Variants in NAV2 observed in about 807,000 individuals in gnomAD.
NAV2 encodes the protein neuron navigator 2.
In NAV2, 54 loss-of-function variants were observed where a neutral mutation model predicts 223.2. The ratio of observed to expected loss-of-function variants is 0.24; its 90% CI spans 0.19 to 0.30. The LOEUF (loss-of-function observed/expected upper bound fraction) is 0.30. Ranked by LOEUF, NAV2 falls within the 10% of genes least tolerant of loss-of-function variation. The pLI is 1.00. For synonymous variants in NAV2, 1,279 were observed against 1,239.3 expected (o/e 1.03, Z -0.67); for missense variants, 2,806 against 3,147.5 (o/e 0.89, Z 2.60).
At chr11:19,412,979 C>T (rs977166601) in intron 1 of NAV2, among the ~76,000 whole-genome samples, 1 of 152,184 alleles carries the variant, frequency 6.6e-6, no homozygotes, top group African/African-American at 2.4e-5. Flanking sequence ...AAAACCAGCA[C>T]AAAAAGGCTG....
chr11:19,533,180 G>C (rs1249896002), intron 1 of NAV2, among the ~76,000 whole-genome samples: 1 of 152,152 alleles, frequency 6.6e-6, no homozygotes, highest in East Asian at 1.9e-4. Flanking sequence ...ATTTCAACCA[G>C]GAATATAGTG....
rs1554924600 is a variant in NAV2 at position 20,046,596 on chromosome 11, T to TCACACACAGA, written c.3902+934_3902+935insGACACACACA. 1.1e-4 allele frequency among the ~76,000 whole-genome samples: 16 copies of TCACACACAGA among 145,976 alleles called. 2 individuals are homozygous for TCACACACAGA. The South Asian group carries it at 1.6e-3, about 14-fold the overall frequency. ...TGAAATTTTAACTTCCCCCTCCCCA[T>TCACACACAGA]CACACACACACACACACACACACAC... is the stretch of plus-strand genomic sequence containing the variant. On this transcript the variant is annotated intron_variant, in intron 14 of 37. Coordinates refer to ENST00000349880, the MANE Select transcript of NAV2 (RefSeq NM_145117.5).
At chr11:19,608,114 C>T (rs920469231) in intron 1 of NAV2, among the ~76,000 whole-genome samples, 1 of 152,196 alleles carries the variant, frequency 6.6e-6, no homozygotes, top group African/African-American at 2.4e-5. Context: ...CATCTCTGGC[C>T]TCAAAGACTT....
chr11:19,507,616 A>G (rs2043160983), intron 1 of NAV2, among the ~76,000 whole-genome samples: 1 of 152,234 alleles, frequency 6.6e-6, no homozygotes, highest in South Asian at 2.1e-4. Context: ...AGTTGGAGGA[A>G]CATTGAAAAT....
chr11:20,079,111 G>A (rs913234783), intron 24 of NAV2, among the ~76,000 whole-genome samples: 4 of 152,090 alleles, frequency 2.6e-5, no homozygotes, highest in Admixed American at 6.5e-5. Flanking sequence ...CATGATCTCC[G>A]CTCACTGTAA....
At chr11:19,932,236 C>CAAAAAA (rs398015484) in intron 6 of NAV2, among the ~76,000 whole-genome samples, 102 of 78,848 alleles carry the variant, frequency 1.3e-3, no homozygotes, top group Non-Finnish European at 1.6e-3. Context: ...CACTCTTAAG[C>CAAAAAA]AAAAAAAAAA....
intron 1 of NAV2, among the ~76,000 whole-genome samples, chr11:19,536,143 C>T (rs1292267146): frequency 6.6e-6 from 1 of 152,166 alleles, no homozygotes; most frequent in East Asian, 1.9e-4. Context: ...TACATGGTCC[C>T]TGTTAATCTT....
At chr11:19,452,154 A>G (rs964188285) in intron 1 of NAV2, among the ~76,000 whole-genome samples, 1 of 150,702 alleles carries the variant, frequency 6.6e-6, no homozygotes, top group African/African-American at 2.5e-5. Context: ...GTGTGTGTAA[A>G]GATTAATATT....
chr11:20,018,880 C>T (rs1369192588), intron 11 of NAV2, among the ~76,000 whole-genome samples: 4 of 152,052 alleles, frequency 2.6e-5, no homozygotes, highest in Admixed American at 6.6e-5. Context: ...AGAAGTGGGC[C>T]GCCAGTGGGA....
At chr11:19,615,571 A>G (rs2046767065) in intron 1 of NAV2, among the ~76,000 whole-genome samples, 1 of 152,172 alleles carries the variant, frequency 6.6e-6, no homozygotes, top group Admixed American at 6.5e-5. Flanking sequence ...AATGCAAAAC[A>G]GTGGCTAGGC....
chr11:19,864,960 C>G (rs1313163407), intron 3 of NAV2, among the ~76,000 whole-genome samples: 2 of 152,200 alleles, frequency 1.3e-5, no homozygotes, highest in Non-Finnish European at 2.9e-5. Flanking sequence ...AACTCAGTCC[C>G]AGAGCTCTTG....
intron 11 of NAV2, among the ~76,000 whole-genome samples, chr11:20,015,645 G>C (rs1241974278): frequency 6.6e-6 from 1 of 152,086 alleles, no homozygotes; most frequent in African/African-American, 2.4e-5. Flanking sequence ...GCTCCACGAG[G>C]GGGTAGAGAG....
chr11:19,566,211 C>G (rs1299147343), intron 1 of NAV2, among the ~76,000 whole-genome samples: 1 of 152,044 alleles, frequency 6.6e-6, no homozygotes, highest in Non-Finnish European at 1.5e-5. Flanking sequence ...GCTGGGACTA[C>G]AGGTGCACGC....
chr11:19,755,388 A>T (rs2054154868), intron 1 of NAV2, among the ~76,000 whole-genome samples: 1 of 152,182 alleles, frequency 6.6e-6, no homozygotes, highest in Non-Finnish European at 1.5e-5. Flanking sequence ...GGTGACTTTG[A>T]TGGAAGAAAG....
chr11:19,524,136 G>T (rs766848413), intron 1 of NAV2, among the ~76,000 whole-genome samples: 4 of 152,150 alleles, frequency 2.6e-5, no homozygotes, highest in Non-Finnish European at 4.4e-5. Context: ...TGAGGGTAGG[G>T]ACCCTGTTGT....
At chr11:19,491,474 T>C (rs1366985551) in intron 1 of NAV2, among the ~76,000 whole-genome samples, 1 of 152,234 alleles carries the variant, frequency 6.6e-6, no homozygotes, top group Non-Finnish European at 1.5e-5. Flanking sequence ...AGGTGGCTGT[T>C]TTCCTTAAAC....
At chr11:19,401,584 G>A (rs1196576254) in intron 1 of NAV2, among the ~76,000 whole-genome samples, 2 of 152,174 alleles carry the variant, frequency 1.3e-5, no homozygotes, top group Non-Finnish European at 2.9e-5. Context: ...GTTGAAGGAG[G>A]AATGATCGCA....
At chr11:20,085,743 A>G (rs1018866062) in intron 26 of NAV2, among the ~76,000 whole-genome samples, 4 of 152,248 alleles carry the variant, frequency 2.6e-5, no homozygotes, top group Non-Finnish European at 5.9e-5. Context: ...CACAGGGCCC[A>G]GTCCACTGCT....
In NAV2 at chr11:19,618,412, G is replaced by A. The variant is rs371646706; in HGVS notation, c.76-214072G>A. 2.1e-4 allele frequency among the ~76,000 whole-genome samples: 30 copies of A among 143,622 alleles called. 1 individual carries two copies. The highest frequency in any genetic ancestry group is 3.4e-4 in the African/African-American group (13 of 38,614). 94.2% of individuals were successfully genotyped at this position (143,622 alleles called of 152,430 possible). The stretch of plus-strand genomic sequence containing the variant: ...TGGATGGATGAATAGATGGATGGAT[G>A]GATGGATGGATGGATGGATGGATGG... On this transcript the variant is annotated intron_variant, in intron 1 of 37. Coordinates refer to the NAV2 transcript ENST00000360655.
Sources: allele counts gnomAD v4.1 joint callset (sites outside exome capture counted in the v4.1 genomes callset), GRCh38; gene constraint gnomAD v4.1.1; transcripts MANE v1.5; gene names NCBI Gene and HGNC (gene_info 2026-07-23, HGNC 2026-07-21).